RAPGEF6: variants seen among roughly 807,000 people sequenced by gnomAD.
RAPGEF6 encodes the protein Rap guanine nucleotide exchange factor 6.
RAPGEF6 carries 56 observed loss-of-function variants against 171.4 expected under a neutral mutation model. The ratio of observed to expected loss-of-function variants is 0.33; its 90% confidence interval spans 0.26 to 0.41. The LOEUF (loss-of-function observed/expected upper bound fraction) is 0.41, where lower values mean the gene tolerates loss of function less well. RAPGEF6 is among the 10% of genes least tolerant of loss of function. The pLI is 1.00. For missense variants in RAPGEF6, 1,674 were observed against 1,921.4 expected, an observed-to-expected ratio of 0.87 and a Z score of 2.41; for synonymous variants, 692 against 650.1, an observed-to-expected ratio of 1.06 and a Z score of -0.98.
At chr5:131,511,307 TA>T in intron 7 of RAPGEF6, 1 of 152,188 alleles carries the variant, frequency 6.6e-6, no homozygotes, top group Middle Eastern at 3.4e-3. Context: ...GTCATCTTGT[TA>T]ATGAAAAAGC....
intron 8 of RAPGEF6, among the ~76,000 whole-genome samples, chr5:131,509,287 T>C (rs372948928): frequency 5.9e-5 from 9 of 152,280 alleles, no homozygotes; most frequent in East Asian, 1.9e-4. Flanking sequence ...CTCACACCTG[T>C]AATCCCAGCA....
intron 6 of RAPGEF6, among the ~76,000 whole-genome samples, chr5:131,524,609 TGAGAGA>T (rs55956395): frequency 0.019 from 2,533 of 134,980 alleles, 38 homozygotes; most frequent in African/African-American, 0.049. Flanking sequence ...AGAGAGAGAT[TGAGAGA>T]GAGAGAGAGA....
At chr5:131,586,203 G>A (rs1763245701) in intron 4 of RAPGEF6, among the ~76,000 whole-genome samples, 3 of 152,122 alleles carry the variant, frequency 2.0e-5, no homozygotes, top group African/African-American at 4.8e-5. Flanking sequence ...GAATGAATAC[G>A]ACAATGAATA....
chr5:131,542,851 T>C (rs1345386080), intron 6 of RAPGEF6, among the ~76,000 whole-genome samples: 1 of 152,150 alleles, frequency 6.6e-6, no homozygotes, highest in Non-Finnish European at 1.5e-5. Context: ...ATTTGTTCAG[T>C]ATGGCCAAAA....
At chr5:131,440,927 A>C (rs1004885388) in intron 23 of RAPGEF6, among the ~76,000 whole-genome samples, 26 of 152,168 alleles carry the variant, frequency 1.7e-4, no homozygotes, top group Admixed American at 1.4e-3. Flanking sequence ...CCACCAAACT[A>C]GTCCAGGCCC....
At chr5:131,446,761 G>T in intron 21 of RAPGEF6, 58 bp from the exon 22 acceptor site, 2 of 1,435,914 alleles carry the variant, frequency 1.4e-6, no homozygotes, top group Non-Finnish European at 9.5e-7. Context: ...AAGCATAGCA[G>T]ATTGAAGATT....
chr5:131,573,549 C>A (rs772081820), intron 4 of RAPGEF6, among the ~76,000 whole-genome samples: 1 of 152,146 alleles, frequency 6.6e-6, no homozygotes, highest in Admixed American at 6.5e-5. Flanking sequence ...TACTTTCTAG[C>A]CCAGTCCTAC....
intron 24 of RAPGEF6, among the ~76,000 whole-genome samples, chr5:131,438,573 G>A (rs141742934): frequency 1.3e-5 from 2 of 152,276 alleles, no homozygotes; most frequent in East Asian, 3.9e-4. Flanking sequence ...AAGATGCCAG[G>A]ACTAAATCCC....
At chr5:131,429,885 A>C (rs1318938261) in intron 26 of RAPGEF6, among the ~76,000 whole-genome samples, 1 of 152,022 alleles carries the variant, frequency 6.6e-6, no homozygotes, top group African/African-American at 2.4e-5. Flanking sequence ...CCCCATCTCT[A>C]CTAAAAATAA....
intron 4 of RAPGEF6, among the ~76,000 whole-genome samples, chr5:131,580,971 C>T (rs1307636580): frequency 1.3e-5 from 2 of 152,160 alleles, no homozygotes; most frequent in Non-Finnish European, 2.9e-5. Flanking sequence ...TCCCAGTAAT[C>T]CCTTTACTTG....
chr5:131,462,789 T>C (rs1324481872), intron 18 of RAPGEF6, among the ~76,000 whole-genome samples: 1 of 152,204 alleles, frequency 6.6e-6, no homozygotes, highest in Non-Finnish European at 1.5e-5. Context: ...ATCACCTGCT[T>C]TTACTTCGTT....
chr5:131,501,582 CAG>C (rs1757031270), intron 11 of RAPGEF6, among the ~76,000 whole-genome samples: 1 of 151,756 alleles, frequency 6.6e-6, no homozygotes, highest in South Asian at 2.1e-4. Flanking sequence ...AAAATCAACA[CAG>C]TGTTTAAAAT....
In RAPGEF6 at chr5:131,505,377, A is replaced by G; in HGVS notation, c.1088T>C (p.Val363Ala). 1 of 1,613,574 alleles carries G rather than the reference A, an allele frequency of 6.2e-7. No homozygotes were observed. Among genetic ancestry groups the G allele is most frequent in the Non-Finnish European group, 8.5e-7 (1 of 1,179,708 alleles). ...AGATAATCTTACCTGACAATCATCT[A>G]CTTTAGTCCTGACAATTCCATGCAT... ...QYMHGIVRTK[V>A]DDCQFVCIAQ... Residue 363 changes from valine (V) to alanine (A), a missense_variant, in exon 10 of 28, where the codon GTA becomes GCA. By Grantham distance (64) the Val-to-Ala change is moderately conservative. This residue lies in a region of RAPGEF6 where 1,116 missense variants were observed against 1,321.5 expected (regional missense o/e 0.84). Coordinates refer to ENST00000509018, the MANE Select transcript of RAPGEF6 (RefSeq NM_016340.6).
At chr5:131,472,469 G>C (rs1437285524) in intron 17 of RAPGEF6, 118 bp downstream of exon 17, 1 of 1,182,436 alleles carries the variant, frequency 8.5e-7, no homozygotes, top group Non-Finnish European at 1.2e-6. Context: ...TTTGCATCAA[G>C]TCATAATCTA....
At chr5:131,610,918 C>T (rs1489293976) in intron 1 of RAPGEF6, among the ~76,000 whole-genome samples, 1 of 152,152 alleles carries the variant, frequency 6.6e-6, no homozygotes, top group East Asian at 1.9e-4. Context: ...TGTATTTGAA[C>T]AAAATCCCTA....
intron 15 of RAPGEF6, among the ~76,000 whole-genome samples, chr5:131,481,088 G>C (rs1192180339): frequency 6.6e-6 from 1 of 151,874 alleles, no homozygotes; most frequent in Non-Finnish European, 1.5e-5. Context: ...ACCACACCAG[G>C]CTAATTTTGT....
At chr5:131,557,050 G>T (rs939375436) in intron 5 of RAPGEF6, among the ~76,000 whole-genome samples, 3 of 152,100 alleles carry the variant, frequency 2.0e-5, no homozygotes, top group Non-Finnish European at 4.4e-5. Flanking sequence ...GACTGCAGAC[G>T]TGTGTCACAA....
Position 131,573,254 on chromosome 5 carries a change from G to A in RAPGEF6, c.282-11207C>T, listed in dbSNP as rs549483579. Among the ~76,000 whole-genome samples, 50 of 152,114 alleles carry A rather than the reference G, an allele frequency of 3.3e-4. 1 individual carries two copies. In the South Asian group the frequency reaches 8.7e-3, roughly 27 times the overall value. On this transcript the variant is annotated intron_variant, in intron 4 of 27. Transcript: ENST00000509018. ...CACACCTGGTCTGGCTTACAGTTTC[G>A]TTTAGCAATTAGCTCTCCCCTACCT...
chr5:131,571,283 G>A (rs1762265125), intron 4 of RAPGEF6, among the ~76,000 whole-genome samples: 1 of 151,990 alleles, frequency 6.6e-6, no homozygotes, highest in Non-Finnish European at 1.5e-5. Flanking sequence ...AAGGATGTTT[G>A]CTCCACTCTG....
Sources: gnomAD v4.1 joint callset for allele counts (sites outside exome capture counted in the v4.1 genomes callset) on GRCh38, gnomAD v4.1.1 for gene constraint, gnomAD v4.1.1 regional missense constraint, MANE v1.5 for transcripts, NCBI Gene and HGNC (gene_info 2026-07-23, HGNC 2026-07-21) for gene names.